The following RIMS2 variants were observed in gnomAD, a reference collection of about 807,000 sequenced individuals.
The protein encoded by RIMS2 is regulating synaptic membrane exocytosis 2.
Under a neutral mutation model 174.4 loss-of-function variants are expected in RIMS2, and 59 were observed. The ratio of observed to expected loss-of-function variants is 0.34; its 90% CI spans 0.27 to 0.42. The LOEUF (loss-of-function observed/expected upper bound fraction) is 0.42, where lower values mean the gene tolerates loss of function less well. Ranked by LOEUF, RIMS2 falls within the 10% of genes least tolerant of loss-of-function variation. The pLI is 1.00. For synonymous variants in RIMS2, 606 were observed against 572.5 expected (o/e 1.06, Z -0.84); for missense variants, 1,620 against 1,666.3 (o/e 0.97, Z 0.48).
At chr8:103,515,465 C>G (rs1828541096) in intron 1 of RIMS2, among the ~76,000 whole-genome samples, 1 of 152,090 alleles carries the variant, frequency 6.6e-6, no homozygotes, top group South Asian at 2.1e-4. Flanking sequence ...ATATTTTTAA[C>G]CCATAAACTT....
At chr8:103,590,179 CAT>C (rs1032422218) in intron 1 of RIMS2, among the ~76,000 whole-genome samples, 27 of 151,308 alleles carry the variant, frequency 1.8e-4, no homozygotes, top group African/African-American at 6.5e-4. Flanking sequence ...TGTATCAAAA[CAT>C]ATCATGTATC....
intron 2 of RIMS2, among the ~76,000 whole-genome samples, chr8:103,738,986 C>A (rs957158655): frequency 6.6e-5 from 10 of 152,168 alleles, no homozygotes; most frequent in African/African-American, 2.2e-4. Flanking sequence ...CCTCAAGGAT[C>A]TAGAACTAGA....
At chr8:104,104,793 T>A (rs1268541592) in intron 19 of RIMS2, among the ~76,000 whole-genome samples, 3 of 150,266 alleles carry the variant, frequency 2.0e-5, no homozygotes, top group Non-Finnish European at 4.4e-5. Context: ...GATGGGAGGA[T>A]CCCTTTGGCT....
intron 3 of RIMS2, chr8:103,819,421 G>C: frequency 6.3e-7 from 1 of 1,586,656 alleles, no homozygotes; most frequent in Non-Finnish European, 8.5e-7. Context: ...TGATTGGCGT[G>C]TTTTTATTTG....
At chr8:103,644,582 T>C (rs938709522) in intron 1 of RIMS2, among the ~76,000 whole-genome samples, 2 of 152,000 alleles carry the variant, frequency 1.3e-5, no homozygotes, top group Non-Finnish European at 2.9e-5. Flanking sequence ...ATTTTAATTT[T>C]GGTGAGATAC....
At chr8:103,633,832 G>A (rs911099143) in intron 1 of RIMS2, among the ~76,000 whole-genome samples, 17 of 152,266 alleles carry the variant, frequency 1.1e-4, no homozygotes, top group Middle Eastern at 3.4e-3. Flanking sequence ...GGTTTTTGTA[G>A]TAGTTTCTGA....
intron 1 of RIMS2, among the ~76,000 whole-genome samples, chr8:103,609,396 A>G (rs150938129): frequency 3.9e-5 from 6 of 152,256 alleles, no homozygotes; most frequent in East Asian, 3.9e-4. Flanking sequence ...TTTTGTTGCA[A>G]TTGCTGTTGG....
intron 19 of RIMS2, among the ~76,000 whole-genome samples, chr8:104,054,465 G>T (rs1055155015): frequency 3.2e-4 from 49 of 151,992 alleles, no homozygotes; most frequent in African/African-American, 1.2e-3. Context: ...ATTTAATGGT[G>T]ATCCTAATTT....
At chr8:104,231,097 G>A (rs994706166) in intron 19 of RIMS2, among the ~76,000 whole-genome samples, 20 of 152,060 alleles carry the variant, frequency 1.3e-4, no homozygotes, top group Non-Finnish European at 2.1e-4. Flanking sequence ...CTCAGTTCTC[G>A]TTTTTCTTTC....
chr8:104,244,779 T>C, intron 19 of RIMS2, 137 bp from the exon 26 acceptor site: 1 of 669,812 alleles, frequency 1.5e-6, no homozygotes, highest in Non-Finnish European at 2.6e-6. Flanking sequence ...TTTAAATACC[T>C]TTTCTTTCTG....
At chr8:103,703,534 G>T (rs2097191822) in intron 2 of RIMS2, among the ~76,000 whole-genome samples, 1 of 152,248 alleles carries the variant, frequency 6.6e-6, no homozygotes, top group Admixed American at 6.5e-5. Flanking sequence ...ACCACGCCTG[G>T]ACTTCATTGG....
chr8:103,761,131 T>C (rs1368904061), intron 2 of RIMS2, among the ~76,000 whole-genome samples: 1 of 152,208 alleles, frequency 6.6e-6, no homozygotes, highest in Non-Finnish European at 1.5e-5. Flanking sequence ...TTAGTCTAAA[T>C]ACATCCACCA....
intron 3 of RIMS2, among the ~76,000 whole-genome samples, chr8:103,800,357 C>T (rs780346846): frequency 6.6e-6 from 1 of 152,054 alleles, no homozygotes; most frequent in Non-Finnish European, 1.5e-5. Context: ...GCTAGTGCCT[C>T]CACTAAAATG....
intron 4 of RIMS2, among the ~76,000 whole-genome samples, chr8:103,892,885 T>C (rs970116203): frequency 2.0e-5 from 3 of 152,056 alleles, no homozygotes; most frequent in African/African-American, 7.2e-5. Flanking sequence ...TAATATTTAG[T>C]AAAGCTTTAA....
intron 1 of RIMS2, among the ~76,000 whole-genome samples, chr8:103,595,142 TTAC>T (rs925481274): frequency 1.3e-5 from 2 of 151,844 alleles, no homozygotes; most frequent in African/African-American, 2.4e-5. Flanking sequence ...TTGTGGAAAA[TTAC>T]TACAATAATT....
At chr8:103,648,362 A>G (rs1049429559) in intron 1 of RIMS2, among the ~76,000 whole-genome samples, 1 of 151,976 alleles carries the variant, frequency 6.6e-6, no homozygotes, top group African/African-American at 2.4e-5. Context: ...TTAGTCAATA[A>G]AATTTTAGTT....
chr8:104,136,715 C>T (rs2098523675), intron 19 of RIMS2, among the ~76,000 whole-genome samples: 1 of 152,100 alleles, frequency 6.6e-6, no homozygotes, highest in Admixed American at 6.6e-5. Context: ...TTAAATACCA[C>T]CTGTTCTCAC....
At chr8:103,574,927 T>C (rs1455022603) in intron 1 of RIMS2, among the ~76,000 whole-genome samples, 1 of 152,210 alleles carries the variant, frequency 6.6e-6, no homozygotes, top group African/African-American at 2.4e-5. Context: ...CATATTACAA[T>C]GAATGCCTGT....
At position 104,013,389 on chromosome 8, in the gene RIMS2, A is replaced by G. The variant is rs1172789134; in HGVS notation, c.3045-53A>G. On this transcript the variant is annotated intron_variant, in intron 17 of 23. Transcript: ENST00000504942. ...AATCAGTTTGATGCATCATAACCAA[A>G]TAGCAGAAGGGCACTAAAGATCAAC... is the stretch of plus-strand genomic sequence containing the variant. 19 of 1,453,148 alleles carry G rather than the reference A, an allele frequency of 1.3e-5. No homozygotes were observed. The East Asian group carries it at 4.1e-4, about 32-fold the overall frequency. 90.0% of individuals were successfully genotyped at this position (1,453,148 alleles called of 1,614,324 possible). A position where few individuals can be genotyped will look rare whatever the true frequency, so the allele number is the denominator to read the frequency against.
Sources: gnomAD v4.1 joint callset for allele counts (sites outside exome capture counted in the v4.1 genomes callset) on GRCh38, gnomAD v4.1.1 for gene constraint, MANE v1.5 for transcripts, NCBI Gene and HGNC (gene_info 2026-07-23, HGNC 2026-07-21) for gene names.